MTPN: variants seen among roughly 807,000 people sequenced by gnomAD.
MTPN encodes the protein granule cell differentiation protein.
Under a neutral mutation model 13.5 loss-of-function variants are expected in MTPN, and 2 were observed. That is an observed-to-expected ratio of 0.15 (90% confidence interval 0.06 to 0.47). The LOEUF (loss-of-function observed/expected upper bound fraction) is 0.47. MTPN is among the 20% of genes least tolerant of loss of function. MTPN has a pLI of 0.97. For synonymous variants in MTPN, 46 were observed against 51.7 expected (o/e 0.89, Z 0.48); for missense variants, 79 against 137.9 (o/e 0.57, Z 2.14).
At chr7:135,959,490 G>A (rs1196655794) in intron 1 of MTPN, among the ~76,000 whole-genome samples, 1 of 152,142 alleles carries the variant, frequency 6.6e-6, no homozygotes, top group East Asian at 1.9e-4. Flanking sequence ...AGACATTAGA[G>A]TGTAAAGTAT....
chr7:135,973,503 AT>A (rs1406584742), intron 1 of MTPN, among the ~76,000 whole-genome samples: 1 of 152,008 alleles, frequency 6.6e-6, no homozygotes, highest in East Asian at 2.0e-4. Flanking sequence ...AAACAGCTCA[AT>A]TTGGAATTTG....
At chr7:135,959,375 G>C (rs1224445850) in intron 1 of MTPN, among the ~76,000 whole-genome samples, 4 of 152,146 alleles carry the variant, frequency 2.6e-5, no homozygotes, top group African/African-American at 9.7e-5. Flanking sequence ...TTGCCTTGGA[G>C]ATTGGCGGAA....
At position 135,977,243 on chromosome 7, in the gene MTPN, G is replaced by T; in HGVS notation, c.-143C>A. 1 of 810,234 alleles carries T rather than the reference G, an allele frequency of 1.2e-6. No homozygotes were observed. Among genetic ancestry groups the T allele is most frequent in the South Asian group, 1.5e-5 (1 of 66,206 alleles). The allele number at this position is 810,234 out of a possible 1,614,324, so 50.2% of individuals were successfully genotyped here. ...GAGAAGGAGGGTTAGGCTGCCAGGCGGGCGAGGCAGTTGGCCGCGGCGACC... is the reference window on the plus strand; with the variant it reads ...GAGAAGGAGGGTTAGGCTGCCAGGCTGGCGAGGCAGTTGGCCGCGGCGACC... On this transcript the variant is annotated 5_prime_UTR_variant, in exon 1 of 4. Transcript: ENST00000393085.
chr7:135,970,245 A>C (rs1799672199), intron 1 of MTPN, among the ~76,000 whole-genome samples: 2 of 152,216 alleles, frequency 1.3e-5, no homozygotes, highest in Admixed American at 1.3e-4. Flanking sequence ...AAGCGGGAAA[A>C]ACAGATGAGT....
chr7:135,927,845 CATGA>C lies in MTPN; in HGVS notation c.*2077_*2080del, dbSNP rs1416918731. 7 of 380,294 alleles carry C rather than the reference CATGA, an allele frequency of 1.8e-5. No individual in the cohort carries two copies. The highest frequency in any genetic ancestry group is 1.5e-4 in the African/African-American group (7 of 46,686). 23.6% of individuals were successfully genotyped at this position (380,294 alleles called of 1,614,324 possible). ...ACAAAGAATCACATGGTTTCCATACCATGAATGTAGAAAGCAGACCAGGTTTAGG... is the reference window on the plus strand; with the variant it reads ...ACAAAGAATCACATGGTTTCCATACCATGTAGAAAGCAGACCAGGTTTAGG... On this transcript the variant is annotated 3_prime_UTR_variant, in exon 4 of 4. Transcript: ENST00000393085.
chr7:135,938,996 C>G (rs1799159487), intron 3 of MTPN, among the ~76,000 whole-genome samples: 1 of 152,106 alleles, frequency 6.6e-6, no homozygotes, highest in South Asian at 2.1e-4. Flanking sequence ...CCCCACAGTA[C>G]TTGTTACTAC....
chr7:135,955,805 A>C lies in MTPN; in HGVS notation c.73-4175T>G, dbSNP rs536439869. Among the ~76,000 whole-genome samples the C allele has an allele frequency of 6.6e-5, 10 of 151,992 alleles. No homozygotes were observed. The East Asian group carries it at 1.9e-3, about 29-fold the overall frequency. The stretch of plus-strand genomic sequence containing the variant: ...TGAATATAATTTACCATTTTAACAC[A>C]GAGAAAGCCATATGATTGACCATCT... On this transcript the variant is annotated intron_variant, in intron 1 of 3. Transcript: ENST00000393085.
chr7:135,953,405 T>TA (rs1562933215), intron 1 of MTPN, among the ~76,000 whole-genome samples: 1 of 152,166 alleles, frequency 6.6e-6, no homozygotes, highest in Non-Finnish European at 1.5e-5. Context: ...ATGTGGGAGT[T>TA]AAGAACAGGA....
At chr7:135,974,792 T>C (rs1799747819) in intron 1 of MTPN, among the ~76,000 whole-genome samples, 1 of 151,942 alleles carries the variant, frequency 6.6e-6, no homozygotes, top group East Asian at 1.9e-4. Context: ...AGATGAAAAA[T>C]GTGAGTCAAT....
intron 3 of MTPN, among the ~76,000 whole-genome samples, chr7:135,946,504 G>C (rs183924135): frequency 4.0e-4 from 61 of 152,204 alleles, no homozygotes; most frequent in African/African-American, 1.4e-3. Flanking sequence ...ATTTGTTTTT[G>C]TATATGAAGT....
intron 3 of MTPN, among the ~76,000 whole-genome samples, chr7:135,940,191 T>C (rs1799187941): frequency 1.3e-5 from 2 of 152,166 alleles, no homozygotes; most frequent in African/African-American, 4.8e-5. Flanking sequence ...CCTTACACTG[T>C]TTAAATATAT....
In MTPN at chr7:135,927,138, A is replaced by G. The variant is rs986775178; in HGVS notation, c.*2788T>C. ...AACAGCAGCTCAACTGAAATATTAG[A>G]AAAAAAAATCAAACAGATACATACA... is the stretch of plus-strand genomic sequence containing the variant. On this transcript the variant is annotated 3_prime_UTR_variant, in exon 4 of 4. Coordinates refer to ENST00000393085, the MANE Select transcript of MTPN (RefSeq NM_145808.4). The G allele has an allele frequency of 7.1e-6, 4 of 564,396 alleles. No homozygotes were observed. The Admixed American group carries it at 1.3e-4, about 18-fold the overall frequency. 35.0% of individuals were successfully genotyped at this position (564,396 alleles called of 1,614,324 possible). A position where few individuals can be genotyped will look rare whatever the true frequency, so the allele number is the denominator to read the frequency against.
intron 1 of MTPN, among the ~76,000 whole-genome samples, chr7:135,974,705 T>C (rs2116417945): frequency 6.6e-6 from 1 of 152,306 alleles, no homozygotes; most frequent in Admixed American, 6.5e-5. Context: ...AGTGTTTCTT[T>C]AGTATTTTCT....
intron 1 of MTPN, among the ~76,000 whole-genome samples, chr7:135,969,471 G>A (rs1238240827): frequency 6.7e-6 from 1 of 148,780 alleles, no homozygotes; most frequent in Non-Finnish European, 1.5e-5. Flanking sequence ...ACCACTTAAC[G>A]TGCAAAAAAA....
intron 1 of MTPN, among the ~76,000 whole-genome samples, chr7:135,954,681 G>A (rs890487184): frequency 6.6e-6 from 1 of 152,160 alleles, no homozygotes; most frequent in Non-Finnish European, 1.5e-5. Context: ...GGTGGCTCAC[G>A]CCTGTAATCC....
At chr7:135,966,547 C>CA (rs34046629) in intron 1 of MTPN, among the ~76,000 whole-genome samples, 7,846 of 146,800 alleles carry the variant, frequency 0.053, 265 homozygotes, top group South Asian at 0.15. Flanking sequence ...ATCACAACGT[C>CA]AAAAAAAAAA....
At chr7:135,936,321 C>G (rs150726743) in intron 3 of MTPN, among the ~76,000 whole-genome samples, 3 of 152,134 alleles carry the variant, frequency 2.0e-5, no homozygotes, top group South Asian at 2.1e-4. Flanking sequence ...CCCGTCTGTA[C>G]TAAAAATGCA....
chr7:135,965,821 A>C (rs1282904032), intron 1 of MTPN, among the ~76,000 whole-genome samples: 1 of 152,186 alleles, frequency 6.6e-6, no homozygotes, highest in Non-Finnish European at 1.5e-5. Context: ...ATTTACACTA[A>C]GAATATCTGT....
At position 135,927,401 on chromosome 7, in the gene MTPN, A is replaced by G. The variant is rs1278528638; in HGVS notation, c.*2525T>C. The G allele has an allele frequency of 3.2e-6, 5 of 1,549,854 alleles. No homozygotes were observed. The South Asian group carries it at 6.0e-5, about 18-fold the overall frequency. ...TGTTAGTACACTACTATAAACAGGT[A>G]AACTACCTGTTTGTACTTGATATAG... On this transcript the variant is annotated 3_prime_UTR_variant, in exon 4 of 4. Coordinates refer to ENST00000393085, the MANE Select transcript of MTPN (RefSeq NM_145808.4).
Sources: allele counts gnomAD v4.1 joint callset (sites outside exome capture counted in the v4.1 genomes callset), GRCh38; gene constraint gnomAD v4.1.1; transcripts MANE v1.5; gene names NCBI Gene and HGNC (gene_info 2026-07-23, HGNC 2026-07-21).